HIRA: variants seen among roughly 807,000 people sequenced by gnomAD.
HIRA encodes the protein protein HIRA.
In HIRA, 13 loss-of-function variants were observed where a neutral mutation model predicts 126.6. The ratio of observed to expected loss-of-function variants is 0.10; its 90% CI spans 0.07 to 0.16. The LOEUF (loss-of-function observed/expected upper bound fraction) is 0.16. HIRA is among the 10% of genes least tolerant of loss of function. The pLI, the probability that HIRA is intolerant of heterozygous loss-of-function variation, is 1.00. For missense variants in HIRA, 834 were observed against 1,314.4 expected (o/e 0.63, Z 5.65); for synonymous variants, 511 against 520.0 (o/e 0.98, Z 0.24).
Position 19,355,833 on chromosome 22 carries a change from T to C in HIRA, c.2488A>G (p.Thr830Ala). 3 of 1,613,936 alleles carry C rather than the reference T, an allele frequency of 1.9e-6. No individual in the cohort carries two copies. The highest frequency in any genetic ancestry group is 2.5e-6 in the Non-Finnish European group (3 of 1,179,830). The part of the protein sequence containing the change: ...SDMTVSQILL[T>A]QHGIPVMNLS... ...TTCATTACTGGGATTCCATGCTGCG[T>C]CAGCAAGATCTGTGATACCGTCATA... is the stretch of plus-strand genomic sequence containing the variant. Residue 830 changes from threonine (T) to alanine (A), a missense_variant, in exon 21 of 25, where the codon ACG becomes GCG. By Grantham distance (58) the Thr-to-Ala change is moderately conservative (BLOSUM62 0). Transcript: ENST00000263208.
At chr22:19,363,231 T>C (rs1262399402) in intron 15 of HIRA, among the ~76,000 whole-genome samples, 1 of 143,774 alleles carries the variant, frequency 7.0e-6, no homozygotes, top group Non-Finnish European at 1.5e-5. Flanking sequence ...AGATTCCGTC[T>C]CAAAAAAAAA....
intron 15 of HIRA, among the ~76,000 whole-genome samples, chr22:19,364,842 G>A (rs773253349): frequency 2.0e-5 from 3 of 152,184 alleles, no homozygotes; most frequent in African/African-American, 4.8e-5. Context: ...AAGGCACATT[G>A]AAAGCTGAGA....
At chr22:19,415,767 C>A (rs1471274600) in intron 1 of HIRA, among the ~76,000 whole-genome samples, 1 of 151,532 alleles carries the variant, frequency 6.6e-6, no homozygotes, top group Non-Finnish European at 1.5e-5. Context: ...CCAGCCTGGG[C>A]AACAAGAGTG....
In HIRA at chr22:19,351,333, C is replaced by T. The variant is rs1556010801; in HGVS notation, c.2937+25G>A. 1.9e-6 allele frequency: 3 copies of T among 1,577,386 alleles called. No individual in the cohort carries two copies. Among genetic ancestry groups the T allele is most frequent in the East Asian group, 4.5e-5 (2 of 44,332 alleles). ...TTCATGTTTCAAGAAAGAATTCTTG[C>T]AGCAACAATGAAAGAAGCACCTACC... On this transcript the variant is annotated intron_variant, in intron 24 of 24. Coordinates refer to ENST00000263208, the MANE Select transcript of HIRA (RefSeq NM_003325.4). The surrounding 1 kb of genome is among the most constrained non-coding windows in gnomAD (Gnocchi z 4.8).
At chr22:19,417,325 T>C (rs1279370841) in intron 1 of HIRA, among the ~76,000 whole-genome samples, 1 of 151,538 alleles carries the variant, frequency 6.6e-6, no homozygotes, top group African/African-American at 2.4e-5. Flanking sequence ...CTCACATCCA[T>C]TAAGATGGCT....
Position 19,400,830 on chromosome 22 carries a change from C to T in HIRA, c.398-2743G>A, listed in dbSNP as rs544240484. The stretch of plus-strand genomic sequence containing the variant: ...CGTGGCTTCCACTACTTTCACCCCA[C>T]GGTCATGTCCAGAGGCCTTCCATGA... On this transcript the variant is annotated intron_variant, in intron 5 of 24. Transcript: ENST00000263208. 2.3e-3 allele frequency among the ~76,000 whole-genome samples: 349 copies of T among 152,270 alleles called. 1 individual carries two copies. The highest frequency in any genetic ancestry group is 3.4e-3 in the Non-Finnish European group (230 of 68,022).
chr22:19,342,967 A>G (rs1434445965), intron 24 of HIRA, among the ~76,000 whole-genome samples: 3 of 152,214 alleles, frequency 2.0e-5, no homozygotes, highest in Admixed American at 2.0e-4. Flanking sequence ...GGAGTTGGAG[A>G]CCATTATTCT....
At chr22:19,375,825 G>A (rs775711120) in intron 14 of HIRA, 33 bp from the exon 15 acceptor site, 11 of 1,609,898 alleles carry the variant, frequency 6.8e-6, no homozygotes, top group Admixed American at 1.7e-5. Context: ...CATGTCAAGC[G>A]CAATCCTGAA....
intron 9 of HIRA, among the ~76,000 whole-genome samples, chr22:19,389,789 G>A (rs1038066122): frequency 2.0e-5 from 3 of 151,578 alleles, no homozygotes; most frequent in African/African-American, 7.3e-5. Flanking sequence ...AAACAGGGAA[G>A]GTCCCCTGAA....
At chr22:19,359,030 AT>A (rs782730510) in intron 18 of HIRA, among the ~76,000 whole-genome samples, 8 of 152,210 alleles carry the variant, frequency 5.3e-5, no homozygotes, top group Non-Finnish European at 1.0e-4. Context: ...TCAGTGTGGA[AT>A]TCGAGACTTT....
intron 15 of HIRA, among the ~76,000 whole-genome samples, chr22:19,363,380 G>A (rs2088883252): frequency 1.3e-5 from 2 of 152,218 alleles, no homozygotes; most frequent in South Asian, 4.1e-4. Flanking sequence ...GCTGAGGCAG[G>A]AGGACTGCTC....
chr22:19,366,824 A>T lies in HIRA; in HGVS notation c.1776-4893T>A, dbSNP rs924015679. Among the ~76,000 whole-genome samples, 17 of 152,176 alleles carry T rather than the reference A, an allele frequency of 1.1e-4. 1 individual carries two copies. Among genetic ancestry groups the T allele is most frequent in the African/African-American group, 4.1e-4 (17 of 41,434 alleles). Reference sequence around the variant, plus strand: ...TGCCCAGGCTGGAGTACAGTGGCACAATCTCAGCTCGCTGCAACCTCCGCC... The same window carrying T: ...TGCCCAGGCTGGAGTACAGTGGCACTATCTCAGCTCGCTGCAACCTCCGCC... On this transcript the variant is annotated intron_variant, in intron 15 of 24. Coordinates refer to ENST00000263208, the MANE Select transcript of HIRA (RefSeq NM_003325.4).
intron 1 of HIRA, among the ~76,000 whole-genome samples, chr22:19,413,159 T>A (rs2089367553): frequency 1.3e-5 from 2 of 152,118 alleles, no homozygotes; most frequent in South Asian, 4.1e-4. Flanking sequence ...TCAGCAAGCA[T>A]CAGTAAGGAG....
intron 15 of HIRA, among the ~76,000 whole-genome samples, chr22:19,364,779 G>A (rs189002990): frequency 2.6e-4 from 39 of 152,212 alleles, no homozygotes; most frequent in African/African-American, 9.4e-4. Context: ...ACCCTATAAT[G>A]GCCTCTAAGT....
chr22:19,385,689 G>C lies in HIRA; in HGVS notation c.1161C>G (p.Thr387=), dbSNP rs762369052. The C allele has an allele frequency of 6.2e-7, 1 of 1,614,110 alleles. No homozygotes were observed. Among genetic ancestry groups the C allele is most frequent in the Non-Finnish European group, 8.5e-7 (1 of 1,180,022 alleles). The change falls in exon 12 of 25, where the codon ACC becomes ACG. Residue 387 remains threonine (T), a synonymous_variant. Transcript: ENST00000263208. The stretch of plus-strand genomic sequence containing the variant: ...TGACGGCTGTGGAGAGCTGGGCCTC[G>C]GTCATGATGGCTAGGCTCTTGCCAT... The part of the protein sequence containing the change: ...STYGKSLAIM[T]EAQLSTAVIE...
intron 5 of HIRA, among the ~76,000 whole-genome samples, chr22:19,403,603 C>T (rs558865081): frequency 2.0e-5 from 3 of 152,272 alleles, no homozygotes; most frequent in South Asian, 4.1e-4. Context: ...CAGAGCAGGA[C>T]TCTGTCTCAA....
Position 19,356,287 on chromosome 22 carries a change from C to T in HIRA, c.2398G>A (p.Asp800Asn). The change falls in exon 20 of 25, where the codon GAT becomes AAT. Residue 800 changes from aspartate to asparagine, a missense_variant and splice_region_variant. This residue lies in a region of HIRA where 468 missense variants were observed against 574.2 expected (regional missense o/e 0.82). Coordinates refer to ENST00000263208, the MANE Select transcript of HIRA (RefSeq NM_003325.4). ...LTAAATLSVW[D>N]VHRQVVVVKE... is the part of the protein sequence containing the mutation. ...ACCACAACCACCTGTCTGTGAACATCCCTAGGAGGGAGACAGGGAACAGTT... is the reference window on the plus strand; with the variant it reads ...ACCACAACCACCTGTCTGTGAACATTCCTAGGAGGGAGACAGGGAACAGTT... 6.2e-7 allele frequency: 1 copy of T among 1,613,748 alleles called. No individual in the cohort carries two copies. The highest frequency in any genetic ancestry group is 8.5e-7 in the Non-Finnish European group (1 of 1,179,716).
At chr22:19,392,274 C>A in intron 8 of HIRA, 60 bp from the exon 9 acceptor site, 1 of 1,023,704 alleles carries the variant, frequency 9.8e-7, no homozygotes. Flanking sequence ...GTCCCCTGTG[C>A]CCAAGTCCCA....
rs115982209 is a variant in HIRA at position 19,344,384 on chromosome 22, A to G, written c.2937+6974T>C. Among the ~76,000 whole-genome samples, 962 of 152,318 alleles carry G rather than the reference A, an allele frequency of 6.3e-3. 8 individuals carry two copies. The highest frequency in any genetic ancestry group is 0.022 in the African/African-American group (931 of 41,564). ...TAAAAAAGATTATAAATAAGAGAAC[A>G]GCATGAACAACTATATGACAATAAA... On this transcript the variant is annotated intron_variant, in intron 24 of 24. Transcript: ENST00000263208.
Sources: allele counts gnomAD v4.1 joint callset (sites outside exome capture counted in the v4.1 genomes callset), GRCh38; gene constraint gnomAD v4.1.1; regional missense constraint gnomAD v4.1.1; non-coding constraint Gnocchi (gnomAD v3.1); transcripts MANE v1.5; gene names NCBI Gene and HGNC (gene_info 2026-07-23, HGNC 2026-07-21).